DECR2: variants seen among roughly 807,000 people sequenced by gnomAD.
DECR2 encodes 2,4-dienoyl-CoA reductase 2.
Under a neutral mutation model 29.2 loss-of-function variants are expected in DECR2, and 34 were observed. The observed-to-expected ratio is 1.16, with a 90% confidence interval of 0.89 to 1.55. DECR2 has a LOEUF of 1.55. Ranked by LOEUF, DECR2 falls within the 40% of genes most tolerant of loss-of-function variation. The pLI, the probability that DECR2 is intolerant of heterozygous loss-of-function variation, is 0.00. For missense variants in DECR2, 485 were observed against 425.3 expected (o/e 1.14, Z -1.23); for synonymous variants, 224 against 182.7 (o/e 1.23, Z -1.82).
At chr16:407,141 C>T (rs1207889625) in intron 3 of DECR2, 3 of 1,243,802 alleles carry the variant, frequency 2.4e-6, no homozygotes, top group Non-Finnish European at 3.0e-6. Flanking sequence ...ACCTGTGCCA[C>T]CTCTGGTCTG....
At chr16:407,149 C>A in intron 3 of DECR2, 1 of 1,257,420 alleles carries the variant, frequency 8.0e-7, no homozygotes, top group Non-Finnish European at 1.0e-6. Context: ...CACCTCTGGT[C>A]TGCAGCAGGG....
rs374096745 is a variant in DECR2, at chr16:410,687, G to T, written c.463-4G>T. On this transcript the variant is annotated splice_polypyrimidine_tract_variant and splice_region_variant and intron_variant, in intron 5 of 8. Coordinates refer to ENST00000219481, the MANE Select transcript of DECR2 (RefSeq NM_020664.4). The surrounding 1 kb of genome is among the most constrained non-coding windows in gnomAD (Gnocchi z 4.1). ...CTCACTGCCCCGGGCCTTGTGTGTT[G>T]CAGGACCACGGAGGGGTGATCGTGA... The T allele has an allele frequency of 1.2e-6, 2 of 1,602,654 alleles. No homozygotes were observed. The highest frequency in any genetic ancestry group is 2.7e-5 in the African/African-American group (2 of 74,778).
In DECR2 at chr16:412,257, C is replaced by T. The variant is rs982258664; in HGVS notation, c.*368C>T. On this transcript the variant is annotated 3_prime_UTR_variant, in exon 9 of 9. Coordinates refer to ENST00000219481, the MANE Select transcript of DECR2 (RefSeq NM_020664.4). Reference sequence around the variant, plus strand: ...AGACTTGTGTTCTCTTGGCTGAAAACACTGAGGTGCTCCCATCTGTGCGTG... The same window carrying T: ...AGACTTGTGTTCTCTTGGCTGAAAATACTGAGGTGCTCCCATCTGTGCGTG... 1 of 152,448 alleles carries T rather than the reference C, an allele frequency of 6.6e-6. No homozygotes were observed. Among genetic ancestry groups the T allele is most frequent in the Non-Finnish European group, 1.5e-5 (1 of 68,218 alleles). 9.4% of individuals were successfully genotyped at this position (152,448 alleles called of 1,614,324 possible).
chr16:402,110 C>G lies in DECR2; in HGVS notation c.80+67C>G, dbSNP rs2054673478. ...TCCGGTCCGCGGGCGCCGGCGCCCC[C>G]ACGTGGTCCCCGAGGGCTCGCGTGT... On this transcript the variant is annotated intron_variant, in intron 1 of 8. Transcript: ENST00000219481. 7.1e-6 allele frequency: 9 copies of G among 1,267,122 alleles called. No homozygotes were observed. The Admixed American group carries it at 1.3e-4, about 18-fold the overall frequency. The allele number at this position is 1,267,122 out of a possible 1,614,324, so 78.5% of individuals were successfully genotyped here.
Position 410,506 on chromosome 16 carries a change from C to A in DECR2, c.462+139C>A, listed in dbSNP as rs2141817196. 3 of 1,399,764 alleles carry A rather than the reference C, an allele frequency of 2.1e-6. No homozygotes were observed. Among genetic ancestry groups the A allele is most frequent in the Non-Finnish European group, 2.9e-6 (3 of 1,018,578 alleles). The allele number at this position is 1,399,764 out of a possible 1,614,324, so 86.7% of individuals were successfully genotyped here. A position where few individuals can be genotyped will look rare whatever the true frequency, so the allele number is the denominator to read the frequency against. On this transcript the variant is annotated intron_variant, in intron 5 of 8. Transcript: ENST00000219481. The surrounding 1 kb of genome is among the most constrained non-coding windows in gnomAD (Gnocchi z 4.1). ...GGGTGTACTCCCAGCGGGGGCCTCC[C>A]CCTGACGGCCGCCCGCTCCCTGCCC...
At chr16:409,875 C>T (rs1422955866) in intron 4 of DECR2, 3 of 220,580 alleles carry the variant, frequency 1.4e-5, no homozygotes, top group South Asian at 8.3e-5. Context: ...CTTCCCGTGG[C>T]GTGTGTCTGT....
intron 1 of DECR2, 135 bp from the exon 2 acceptor site, chr16:404,821 G>C: frequency 3.8e-6 from 3 of 788,366 alleles, no homozygotes; most frequent in Admixed American, 4.8e-5. Flanking sequence ...GTAGAGACGA[G>C]GTTTTACCAT....
At chr16:403,832 G>A (rs528550509) in intron 1 of DECR2, among the ~76,000 whole-genome samples, 8 of 152,182 alleles carry the variant, frequency 5.3e-5, no homozygotes, top group Non-Finnish European at 1.2e-4. Context: ...GAGCCGTGAT[G>A]GTGCCACTGC....
chr16:407,298 A>G, intron 3 of DECR2, 127 bp from the exon 4 acceptor site: 1 of 1,471,012 alleles, frequency 6.8e-7, no homozygotes, highest in East Asian at 2.3e-5. Flanking sequence ...GCTTCCCCAG[A>G]GTGGGGTCCA....
intron 4 of DECR2, chr16:409,870 C>T (rs894086261): frequency 4.6e-5 from 10 of 216,040 alleles, no homozygotes; most frequent in East Asian, 1.1e-4. Flanking sequence ...ACTGTCTTCC[C>T]GTGGCGTGTG....
chr16:403,998 C>G (rs943817908), intron 1 of DECR2, among the ~76,000 whole-genome samples: 3 of 151,890 alleles, frequency 2.0e-5, no homozygotes, highest in African/African-American at 7.3e-5. Flanking sequence ...ACGGTGAAAC[C>G]TCATCTCTAC....
chr16:407,311 A>G, intron 3 of DECR2, 114 bp from the exon 4 acceptor site: 1 of 1,480,354 alleles, frequency 6.8e-7, no homozygotes, highest in Non-Finnish European at 8.9e-7. Context: ...GGGGTCCAGC[A>G]GCAAACCCAG....
At chr16:405,754 G>T in intron 2 of DECR2, 1 of 458,042 alleles carries the variant, frequency 2.2e-6, no homozygotes, top group Non-Finnish European at 4.2e-6. Flanking sequence ...CAGGCCCAGG[G>T]CTTCTATACC....
In DECR2 at chr16:411,415, T is replaced by G; in HGVS notation, c.716T>G (p.Leu239Arg). ...TKVTASPLQR[L>R]GNKTEIAHSV... ...GTCACTGCCAGCCCGCTGCAGAGGC[T>G]GGGGAACAAGACCGAGATCGCCCAC... Residue 239 changes from leucine (L) to arginine (R), a missense_variant, in exon 8 of 9, where the codon CTG becomes CGG. Coordinates refer to ENST00000219481, the MANE Select transcript of DECR2 (RefSeq NM_020664.4). The G allele has an allele frequency of 6.2e-7, 1 of 1,613,098 alleles. No individual in the cohort carries two copies.
chr16:410,610 C>T lies in DECR2; in HGVS notation c.463-81C>T, dbSNP rs2054804612. ...CCGCCCGCTCCCTGCCCCGGGCCTC[C>T]CCCTGACAGCCACCCGCTCACTGTC... On this transcript the variant is annotated intron_variant, in intron 5 of 8. Coordinates refer to ENST00000219481, the MANE Select transcript of DECR2 (RefSeq NM_020664.4). The surrounding 1 kb of genome is among the most constrained non-coding windows in gnomAD (Gnocchi z 4.1). 7.7e-6 allele frequency: 11 copies of T among 1,430,392 alleles called. No individual in the cohort carries two copies. The South Asian group carries it at 9.8e-5, about 13-fold the overall frequency. 88.6% of individuals were successfully genotyped at this position (1,430,392 alleles called of 1,614,324 possible). A position where few individuals can be genotyped will look rare whatever the true frequency, so the allele number is the denominator to read the frequency against.
rs147447864 is a variant in DECR2, at chr16:403,771, G to T, written c.81-1185G>T. Among the ~76,000 whole-genome samples, 4 of 152,014 alleles carry T rather than the reference G, an allele frequency of 2.6e-5. No homozygotes were observed. In the East Asian group the frequency reaches 5.8e-4, roughly 22 times the overall value. On this transcript the variant is annotated intron_variant, in intron 1 of 8. Transcript: ENST00000219481. ...CATGCACCTGTAGTCCCAGCTACTGGGGAGGCTGAAGCAGGAGGATCCTTC... is the reference window on the plus strand; with the variant it reads ...CATGCACCTGTAGTCCCAGCTACTGTGGAGGCTGAAGCAGGAGGATCCTTC...
chr16:408,245 C>G (rs1229447779), intron 4 of DECR2, among the ~76,000 whole-genome samples: 4 of 151,132 alleles, frequency 2.6e-5, no homozygotes, highest in Admixed American at 2.0e-4. Flanking sequence ...GGGCCTCTGT[C>G]TCCGGCCCCC....
In DECR2 at chr16:407,429, C is replaced by T; in HGVS notation, c.206C>T (p.Ala69Val). The T allele has an allele frequency of 1.9e-6, 3 of 1,607,228 alleles. No homozygotes were observed. The highest frequency in any genetic ancestry group is 1.9e-4 in the Middle Eastern group (1 of 5,370). ...GCCTCTTTACCTGGCTTCTAGGCCG[C>T]CAGGAAGCTGGCTGGGGCCACCGGC... The part of the protein sequence containing the change: ...SRSLPRVLTA[A>V]RKLAGATGRR... Residue 69 changes from alanine (A) to valine (V), a missense_variant, in exon 4 of 9, where the codon GCC becomes GTC. Ala to Val is a moderately conservative substitution (Grantham distance 64). Transcript: ENST00000219481.
chr16:402,987 A>C, intron 1 of DECR2: 1 of 980,626 alleles, frequency 1.0e-6, no homozygotes, highest in Non-Finnish European at 1.2e-6. Flanking sequence ...TCAAAAAAAG[A>C]AAACAAGTTT....
Sources: allele counts gnomAD v4.1 joint callset (sites outside exome capture counted in the v4.1 genomes callset), GRCh38; gene constraint gnomAD v4.1.1; non-coding constraint Gnocchi (gnomAD v3.1); transcripts MANE v1.5; gene names NCBI Gene and HGNC (gene_info 2026-07-23, HGNC 2026-07-21).